Variants in KHDRBS3 observed in about 807,000 individuals in gnomAD.
KHDRBS3 encodes the protein KH RNA binding domain containing, signal transduction associated 3, also known as KH domain-containing, RNA-binding, signal transduction-associated protein 3.
Under a neutral mutation model 45.6 loss-of-function variants are expected in KHDRBS3, and 23 were observed. The ratio of observed to expected loss-of-function variants is 0.50; its 90% CI spans 0.36 to 0.72. The LOEUF (loss-of-function observed/expected upper bound fraction) is 0.72. Among genes scored for constraint, KHDRBS3 ranks in the 30% least tolerant of loss-of-function variants. The pLI, the probability that KHDRBS3 is intolerant of heterozygous loss-of-function variation, is 0.00. For synonymous variants in KHDRBS3, 162 were observed against 156.5 expected (o/e 1.04, Z -0.26); for missense variants, 352 against 424.8 (o/e 0.83, Z 1.51).
chr8:135,505,522 C>G (rs1012494677), intron 1 of KHDRBS3, among the ~76,000 whole-genome samples: 2 of 152,118 alleles, frequency 1.3e-5, no homozygotes, highest in African/African-American at 4.8e-5. Flanking sequence ...ATCAGGTAAA[C>G]AGAAATCATG....
chr8:135,595,983 C>T (rs1828955680), intron 6 of KHDRBS3, among the ~76,000 whole-genome samples: 1 of 151,858 alleles, frequency 6.6e-6, no homozygotes, highest in African/African-American at 2.4e-5. Context: ...AACAAATAAA[C>T]CAAAAAATCT....
chr8:135,614,982 A>G lies in KHDRBS3; in HGVS notation c.890+7945A>G, dbSNP rs1829858701. ...TAGAAAATTACTGAGAGGAAACATC[A>G]GTGGTAGGGGGGATTTTGGCTGAAC... is the stretch of plus-strand genomic sequence containing the variant. On this transcript the variant is annotated intron_variant, in intron 7 of 8. Transcript: ENST00000355849. Among the ~76,000 whole-genome samples the G allele has an allele frequency of 2.0e-5, 3 of 151,864 alleles. No homozygotes were observed. In the South Asian group the frequency reaches 6.2e-4, roughly 31 times the overall value.
intron 1 of KHDRBS3, among the ~76,000 whole-genome samples, chr8:135,492,792 G>C (rs887592968): frequency 8.6e-5 from 13 of 152,032 alleles, no homozygotes; most frequent in Admixed American, 7.2e-4. Context: ...TAAGGACCTT[G>C]TATGCAAGAT....
At chr8:135,485,426 A>G (rs1488142945) in intron 1 of KHDRBS3, among the ~76,000 whole-genome samples, 1 of 152,158 alleles carries the variant, frequency 6.6e-6, no homozygotes, top group Non-Finnish European at 1.5e-5. Flanking sequence ...TTCAGCCAGA[A>G]GAGCCAAGGT....
intron 1 of KHDRBS3, among the ~76,000 whole-genome samples, chr8:135,488,297 T>C (rs1822968278): frequency 6.6e-6 from 1 of 152,198 alleles, no homozygotes; most frequent in South Asian, 2.1e-4. Context: ...ATTTTTTAGG[T>C]CTTTGGGTTG....
intron 5 of KHDRBS3, among the ~76,000 whole-genome samples, chr8:135,565,730 T>A (rs1224635175): frequency 6.6e-6 from 1 of 152,146 alleles, no homozygotes; most frequent in Non-Finnish European, 1.5e-5. Flanking sequence ...CTGTGGTTGC[T>A]GGAAACTTTG....
chr8:135,643,029 G>A (rs937285149), intron 7 of KHDRBS3, among the ~76,000 whole-genome samples: 2 of 152,006 alleles, frequency 1.3e-5, no homozygotes, highest in Non-Finnish European at 2.9e-5. Context: ...TTCTGACCTC[G>A]TGATCCGCCC....
At chr8:135,540,722 A>G (rs1826005232) in intron 2 of KHDRBS3, 3 of 152,358 alleles carry the variant, frequency 2.0e-5, no homozygotes, top group Admixed American at 2.0e-4. Flanking sequence ...GCCTCGCCCA[A>G]GTGAAACGAA....
chr8:135,515,365 TAAAAAAAAAAAA>T (rs59502823), intron 1 of KHDRBS3, among the ~76,000 whole-genome samples: 546 of 39,742 alleles, frequency 0.014, 26 homozygotes, highest in African/African-American at 0.037. Flanking sequence ...GACTCCGTCT[TAAAAAAAAAAAA>T]AAAAAAAAAA....
chr8:135,595,676 G>A (rs1828941132), intron 6 of KHDRBS3, among the ~76,000 whole-genome samples: 2 of 152,156 alleles, frequency 1.3e-5, no homozygotes, highest in South Asian at 4.1e-4. Flanking sequence ...CCTTCACAGT[G>A]GGACTAAAGA....
intron 1 of KHDRBS3, among the ~76,000 whole-genome samples, chr8:135,494,586 T>C (rs1387077092): frequency 6.6e-6 from 1 of 152,130 alleles, no homozygotes; most frequent in Non-Finnish European, 1.5e-5. Flanking sequence ...CCCTCCTCCT[T>C]TTGTTTCTTG....
At chr8:135,462,975 A>G (rs866369289) in intron 1 of KHDRBS3, among the ~76,000 whole-genome samples, 35 of 152,300 alleles carry the variant, frequency 2.3e-4, no homozygotes, top group African/African-American at 7.7e-4. Flanking sequence ...AAGATAAATT[A>G]TATAGCATCC....
chr8:135,553,967 G>C (rs904823676), intron 4 of KHDRBS3, among the ~76,000 whole-genome samples: 2 of 152,098 alleles, frequency 1.3e-5, no homozygotes, highest in Non-Finnish European at 2.9e-5. Context: ...TAATTTAAAA[G>C]CATTTTTCAA....
At chr8:135,495,750 G>T (rs1456568037) in intron 1 of KHDRBS3, among the ~76,000 whole-genome samples, 2 of 152,134 alleles carry the variant, frequency 1.3e-5, no homozygotes, top group African/African-American at 4.8e-5. Flanking sequence ...TTAGTGCCAG[G>T]TCTATGGGCC....
intron 7 of KHDRBS3, among the ~76,000 whole-genome samples, chr8:135,637,209 C>G (rs975184788): frequency 5.3e-5 from 8 of 152,098 alleles, no homozygotes; most frequent in Admixed American, 2.6e-4. Context: ...AGTCATTTAC[C>G]TTAAAGGAAT....
chr8:135,512,737 T>C (rs1824367206), intron 1 of KHDRBS3, among the ~76,000 whole-genome samples: 1 of 152,208 alleles, frequency 6.6e-6, no homozygotes, highest in African/African-American at 2.4e-5. Context: ...ATAACAAAAA[T>C]GAATAAATAG....
intron 1 of KHDRBS3, among the ~76,000 whole-genome samples, chr8:135,485,450 A>G (rs747086658): frequency 7.2e-5 from 11 of 152,130 alleles, no homozygotes; most frequent in South Asian, 4.1e-4. Context: ...GAGATAAAGT[A>G]TGACGGTCTA....
At chr8:135,515,630 G>T (rs1029028889) in intron 1 of KHDRBS3, among the ~76,000 whole-genome samples, 1 of 152,094 alleles carries the variant, frequency 6.6e-6, no homozygotes, top group Non-Finnish European at 1.5e-5. Flanking sequence ...CTTGGCAGGA[G>T]AGAGAAGTGA....
At chr8:135,520,911 A>G (rs551505646) in intron 1 of KHDRBS3, among the ~76,000 whole-genome samples, 1 of 152,326 alleles carries the variant, frequency 6.6e-6, no homozygotes, top group South Asian at 2.1e-4. Context: ...TGAATACTTA[A>G]TGGCTTTTCT....
Sources: gnomAD v4.1 joint callset for allele counts (sites outside exome capture counted in the v4.1 genomes callset) on GRCh38, gnomAD v4.1.1 for gene constraint, MANE v1.5 for transcripts, NCBI Gene and HGNC (gene_info 2026-07-23, HGNC 2026-07-21) for gene names.